HHLA2: variants seen among roughly 807,000 people sequenced by gnomAD.
The protein encoded by HHLA2 is HHLA2 member of B7 family.
In HHLA2, 48 loss-of-function variants were observed where a neutral mutation model predicts 45.9. The observed-to-expected ratio is 1.05, with a 90% confidence interval of 0.83 to 1.33. HHLA2 has a LOEUF of 1.33. Ranked by LOEUF, HHLA2 falls within the 40% of genes most tolerant of loss-of-function variation. The pLI is 0.00. For synonymous variants in HHLA2, 161 were observed against 173.9 expected, an observed-to-expected ratio of 0.93 and a Z score of 0.59; for missense variants, 462 against 494.3, an observed-to-expected ratio of 0.93 and a Z score of 0.62.
chr3:108,361,729 G>A (rs532719752), intron 7 of HHLA2, among the ~76,000 whole-genome samples: 12 of 152,124 alleles, frequency 7.9e-5, no homozygotes, highest in African/African-American at 2.7e-4. Context: ...GGGATAAGGC[G>A]GGGGACTACT....
intron 2 of HHLA2, among the ~76,000 whole-genome samples, chr3:108,313,925 C>T (rs1482865616): frequency 6.6e-6 from 1 of 152,184 alleles, no homozygotes; most frequent in Non-Finnish European, 1.5e-5. Context: ...CATCAGACCC[C>T]TCCTTTTTGT....
At chr3:108,304,057 G>A (rs892405248) in intron 1 of HHLA2, among the ~76,000 whole-genome samples, 2 of 152,136 alleles carry the variant, frequency 1.3e-5, no homozygotes, top group Non-Finnish European at 1.5e-5. Flanking sequence ...GTGTATACGC[G>A]TGTGTAGTGT....
chr3:108,368,844 T>C (rs1037074146), intron 8 of HHLA2, among the ~76,000 whole-genome samples: 14 of 152,124 alleles, frequency 9.2e-5, no homozygotes, highest in African/African-American at 3.4e-4. Flanking sequence ...ACAAGGATAT[T>C]CAGAACTTGA....
chr3:108,345,579 T>G (rs6769972), intron 3 of HHLA2, among the ~76,000 whole-genome samples: 102,846 of 152,002 alleles, frequency 0.68, 35,681 homozygotes, highest in African/African-American at 0.77. Context: ...AATTTCCAAA[T>G]GTCACCAGCT....
At chr3:108,366,208 A>T (rs996569592) in intron 8 of HHLA2, among the ~76,000 whole-genome samples, 1 of 152,188 alleles carries the variant, frequency 6.6e-6, no homozygotes, top group Non-Finnish European at 1.5e-5. Flanking sequence ...AATTTGATTG[A>T]AGGCCTTTTC....
At chr3:108,369,489 A>AT (rs2082128182) in intron 8 of HHLA2, among the ~76,000 whole-genome samples, 1 of 152,170 alleles carries the variant, frequency 6.6e-6, no homozygotes, top group Non-Finnish European at 1.5e-5. Flanking sequence ...GCAGTGCACC[A>AT]TGTGTGAGCC....
At chr3:108,355,499 G>C in intron 6 of HHLA2, 118 bp downstream of exon 5, 1 of 1,202,800 alleles carries the variant, frequency 8.3e-7, no homozygotes. Flanking sequence ...CATCTGCAGC[G>C]GTTAGAAGAC....
chr3:108,323,535 G>T (rs1292172634), intron 2 of HHLA2, among the ~76,000 whole-genome samples: 1 of 152,004 alleles, frequency 6.6e-6, no homozygotes, highest in Non-Finnish European at 1.5e-5. Flanking sequence ...ATCCTGAGTG[G>T]GCTCATCTCT....
chr3:108,321,068 A>G (rs987689883), intron 2 of HHLA2, among the ~76,000 whole-genome samples: 1 of 142,766 alleles, frequency 7.0e-6, no homozygotes, highest in African/African-American at 2.6e-5. Context: ...GGCCAGTCTC[A>G]CCAGAACATT....
At position 108,366,585 on chromosome 3, in the gene HHLA2, C is replaced by T. The variant is rs189198668; in HGVS notation, c.1108+4139C>T. Among the ~76,000 whole-genome samples the T allele has an allele frequency of 7.9e-5, 12 of 152,246 alleles. 1 individual carries two copies. The highest frequency in any genetic ancestry group is 5.2e-4 in the Admixed American group (8 of 15,294). ...TCCTCTTTGTACCTCTGGTAGAATT[C>T]GGCTGTGAATCTGTCTGGTCCTGGG... On this transcript the variant is annotated intron_variant, in intron 8 of 10. Transcript: ENST00000619531.
rs536377572 is a variant in HHLA2 at position 108,371,180 on chromosome 3, C to A, written c.1109-4570C>A. 1.1e-4 allele frequency among the ~76,000 whole-genome samples: 17 copies of A among 152,320 alleles called. No homozygotes were observed. The South Asian group carries it at 3.5e-3, about 32-fold the overall frequency. On this transcript the variant is annotated intron_variant, in intron 8 of 10. Transcript: ENST00000619531. The stretch of plus-strand genomic sequence containing the variant: ...AGAGTGGGGGCCAATATTCAACATT[C>A]TCAAAGAAAAGAATTTTCAACCAGA...
chr3:108,344,314 G>T (rs997323527), intron 3 of HHLA2, among the ~76,000 whole-genome samples: 6 of 152,002 alleles, frequency 3.9e-5, no homozygotes, highest in African/African-American at 1.5e-4. Context: ...AAAAAGTCCA[G>T]TTCCTCCTAG....
intron 1 of HHLA2, among the ~76,000 whole-genome samples, chr3:108,303,573 T>A (rs1317846853): frequency 6.6e-6 from 1 of 152,200 alleles, no homozygotes; most frequent in Non-Finnish European, 1.5e-5. Flanking sequence ...ATAAAACATA[T>A]AATTATTTTG....
intron 8 of HHLA2, among the ~76,000 whole-genome samples, chr3:108,367,340 T>C (rs4855645): frequency 0.5 from 76,013 of 151,844 alleles, 20,057 homozygotes; most frequent in Non-Finnish European, 0.59. Flanking sequence ...GAGCACAAAA[T>C]TGGACAGAGA....
intron 5 of HHLA2, among the ~76,000 whole-genome samples, chr3:108,354,583 G>C (rs538984153): frequency 3.4e-4 from 52 of 151,984 alleles, no homozygotes; most frequent in African/African-American, 1.2e-3. Context: ...ATAATATATA[G>C]AACAATCTTA....
At chr3:108,353,575 T>C in exon 5 of HHLA2, 1 of 1,613,706 alleles carries the variant, frequency 6.2e-7, no homozygotes, top group Non-Finnish European at 8.5e-7. Flanking sequence ...GCTATAAGGT[T>C]CACAGTTACT....
intron 1 of HHLA2, 41 bp downstream of exon 1, chr3:108,296,640 A>G (rs754570445): frequency 3.3e-5 from 5 of 152,234 alleles, no homozygotes; most frequent in Non-Finnish European, 5.9e-5. Context: ...TAGAACTTAA[A>G]AGTGGGCATG....
chr3:108,367,345 C>T (rs1030482781), intron 8 of HHLA2, among the ~76,000 whole-genome samples: 2 of 151,974 alleles, frequency 1.3e-5, no homozygotes, highest in African/African-American at 4.8e-5. Flanking sequence ...CAAAATTGGA[C>T]AGAGAAAGAG....
intron 3 of HHLA2, among the ~76,000 whole-genome samples, chr3:108,340,711 A>G (rs1031149539): frequency 1.3e-5 from 2 of 152,140 alleles, no homozygotes; most frequent in African/African-American, 4.8e-5. Flanking sequence ...GTTATGTCAT[A>G]AGATGTCAAA....
Sources: gnomAD v4.1 joint callset for allele counts (sites outside exome capture counted in the v4.1 genomes callset) on GRCh38, gnomAD v4.1.1 for gene constraint, MANE v1.5 for transcripts, NCBI Gene and HGNC (gene_info 2026-07-23, HGNC 2026-07-21) for gene names.